Variants in USO1 observed in about 807,000 individuals in gnomAD.
The protein encoded by USO1 is general vesicular transport factor p115.
USO1 carries 57 observed loss-of-function variants against 124.5 expected under a neutral mutation model. The observed-to-expected ratio is 0.46, with a 90% CI of 0.37 to 0.57. The LOEUF (loss-of-function observed/expected upper bound fraction) is 0.57. Ranked by LOEUF, USO1 falls within the 20% of genes least tolerant of loss-of-function variation. The pLI, the probability that USO1 is intolerant of heterozygous loss-of-function variation, is 0.00. For synonymous variants in USO1, 369 were observed against 362.8 expected, an observed-to-expected ratio of 1.02 and a Z score of -0.19; for missense variants, 900 against 1,040.6, an observed-to-expected ratio of 0.86 and a Z score of 1.86.
At chr4:75,759,246 C>CTTGTTTTTTTTTTTTTTTTTTT (rs1721527237) in intron 4 of USO1, among the ~76,000 whole-genome samples, 1 of 69,126 alleles carries the variant, frequency 1.4e-5, no homozygotes, top group African/African-American at 6.4e-5. Context: ...TATTAAGGAC[C>CTTGTTTTTTTTTTTTTTTTTTT]TTTTTTTTTT....
At position 75,724,877 on chromosome 4, in the gene USO1, G is replaced by A; in HGVS notation, c.58G>A (p.Ala20Thr). 1.9e-6 allele frequency: 3 copies of A among 1,613,534 alleles called. No individual in the cohort carries two copies. The South Asian group carries it at 3.3e-5, about 18-fold the overall frequency. ...GAGTGCCGGACCCCAGCACACAGAA[G>A]CCGAGACGGTGAGAGGAGCAGCGGG... ...GQSAGPQHTE[A>T]ETIQKLCDRV... Residue 20 changes from alanine to threonine, a missense_variant, in exon 1 of 24, where the codon GCC becomes ACC. By Grantham distance (58) the Ala-to-Thr change is moderately conservative (BLOSUM62 0). Around this residue, in one of 2 missense-constraint regions of USO1, gnomAD observed 538 missense variants for 681.6 expected, o/e 0.79. Coordinates refer to ENST00000514213, the MANE Select transcript of USO1 (RefSeq NM_003715.4).
At chr4:75,762,253 C>T (rs1470283781) in intron 4 of USO1, among the ~76,000 whole-genome samples, 2 of 147,964 alleles carry the variant, frequency 1.4e-5, no homozygotes, top group Non-Finnish European at 1.5e-5. Flanking sequence ...TCACTGCAAC[C>T]TCTGCCTCCT....
chr4:75,792,774 T>C (rs148806139), intron 12 of USO1, among the ~76,000 whole-genome samples: 2 of 152,256 alleles, frequency 1.3e-5, no homozygotes, highest in Non-Finnish European at 2.9e-5. Flanking sequence ...GTATATCTTA[T>C]TCATTCTTTC....
intron 4 of USO1, among the ~76,000 whole-genome samples, chr4:75,764,038 A>G (rs967819771): frequency 2.0e-5 from 3 of 152,168 alleles, no homozygotes; most frequent in Non-Finnish European, 4.4e-5. Context: ...TATATCTCAC[A>G]CTTTTTCAAA....
chr4:75,756,820 AT>A (rs906922168), intron 3 of USO1, among the ~76,000 whole-genome samples: 1 of 151,192 alleles, frequency 6.6e-6, no homozygotes, highest in Non-Finnish European at 1.5e-5. Flanking sequence ...GCACCATAAG[AT>A]TTTTTTTTAA....
chr4:75,759,974 G>A (rs1721557808), intron 4 of USO1, among the ~76,000 whole-genome samples: 1 of 151,330 alleles, frequency 6.6e-6, no homozygotes, highest in Non-Finnish European at 1.5e-5. Flanking sequence ...CACTTTGGGA[G>A]GCCAAGGTGG....
At chr4:75,752,864 C>T (rs1721330252) in intron 3 of USO1, among the ~76,000 whole-genome samples, 2 of 152,058 alleles carry the variant, frequency 1.3e-5, no homozygotes, top group Non-Finnish European at 2.9e-5. Context: ...TAAGTTTTTA[C>T]TTCAGATGTC....
At chr4:75,795,503 A>G in intron 13 of USO1, 2 of 632,798 alleles carry the variant, frequency 3.2e-6, no homozygotes, top group Middle Eastern at 2.5e-4. Flanking sequence ...ATTTATTTCT[A>G]TTGTAAATGG....
At chr4:75,767,471 A>C in intron 4 of USO1, 1 of 446,286 alleles carries the variant, frequency 2.2e-6, no homozygotes, top group South Asian at 1.6e-5. Context: ...TTGGCCGGGC[A>C]TGGTGGCTCA....
Position 75,729,946 on chromosome 4 carries a change from A to C in USO1, c.66+5061A>C, listed in dbSNP as rs547405726. 2.0e-3 allele frequency: 798 copies of C among 407,792 alleles called. 2 individuals are homozygous for C. The highest frequency in any genetic ancestry group is 2.9e-3 in the Non-Finnish European group (617 of 209,598). 25.3% of individuals were successfully genotyped at this position (407,792 alleles called of 1,614,324 possible). A position where few individuals can be genotyped will look rare whatever the true frequency, so the allele number is the denominator to read the frequency against. The stretch of plus-strand genomic sequence containing the variant: ...ATTTAGACATAGTTTTCGTTTAGTC[A>C]AGCACATTTTATACCATGTTACTAT... On this transcript the variant is annotated intron_variant, in intron 1 of 23. Coordinates refer to ENST00000514213, the MANE Select transcript of USO1 (RefSeq NM_003715.4).
At chr4:75,811,118 A>T (rs533497024) in intron 22 of USO1, among the ~76,000 whole-genome samples, 2 of 152,112 alleles carry the variant, frequency 1.3e-5, no homozygotes, top group South Asian at 4.1e-4. Context: ...ATAAAAGTAA[A>T]ATTTATTGAA....
chr4:75,789,540 G>T (rs924000975), intron 10 of USO1, among the ~76,000 whole-genome samples: 1 of 152,134 alleles, frequency 6.6e-6, no homozygotes, highest in East Asian at 1.9e-4. Flanking sequence ...CTCCCAAAGT[G>T]CTGGGATTAC....
intron 1 of USO1, among the ~76,000 whole-genome samples, chr4:75,731,893 T>G (rs1301880717): frequency 2.0e-5 from 3 of 152,250 alleles, no homozygotes; most frequent in Non-Finnish European, 4.4e-5. Context: ...GCAAGCTGTA[T>G]TACACTAGTG....
At chr4:75,786,629 C>T (rs1360432414) in intron 9 of USO1, among the ~76,000 whole-genome samples, 2 of 152,156 alleles carry the variant, frequency 1.3e-5, no homozygotes, top group Non-Finnish European at 2.9e-5. Context: ...TTTAGCCTCT[C>T]TTTAAATATT....
intron 20 of USO1, 67 bp from the exon 21 acceptor site, chr4:75,808,886 C>A (rs1723065999): frequency 1.4e-6 from 2 of 1,473,624 alleles, no homozygotes; most frequent in Non-Finnish European, 1.8e-6. Flanking sequence ...AAATGTCTCC[C>A]TGTAAATATT....
At chr4:75,763,238 A>C (rs1721673217) in intron 4 of USO1, among the ~76,000 whole-genome samples, 1 of 152,214 alleles carries the variant, frequency 6.6e-6, no homozygotes, top group Admixed American at 6.5e-5. Flanking sequence ...CCTGAAAACT[A>C]TCCAGAGCTA....
At chr4:75,752,071 C>G (rs1175539920) in intron 1 of USO1, among the ~76,000 whole-genome samples, 2 of 152,142 alleles carry the variant, frequency 1.3e-5, no homozygotes, top group African/African-American at 2.4e-5. Flanking sequence ...CTGGTTCAAA[C>G]AGTCATAATA....
In USO1 at chr4:75,786,910, T is replaced by C. The variant is rs113654394; in HGVS notation, c.856-152T>C. Among the ~76,000 whole-genome samples, 11 of 152,302 alleles carry C rather than the reference T, an allele frequency of 7.2e-5. 1 individual carries two copies. Among genetic ancestry groups the C allele is most frequent in the African/African-American group, 2.6e-4 (11 of 41,574 alleles). ...TGTAATATTACTATCACAGAACTTA[T>C]TGCCATGGGAGCACGAAAGAAAGAG... On this transcript the variant is annotated intron_variant, in intron 9 of 23. Transcript: ENST00000514213.
At chr4:75,726,557 G>T (rs1577917830) in intron 1 of USO1, among the ~76,000 whole-genome samples, 1 of 134,312 alleles carries the variant, frequency 7.4e-6, no homozygotes, top group African/African-American at 2.6e-5. Flanking sequence ...AGCATGAAGA[G>T]ACTCCATCTC....
Sources: gnomAD v4.1 joint callset for allele counts (sites outside exome capture counted in the v4.1 genomes callset) on GRCh38, gnomAD v4.1.1 for gene constraint, gnomAD v4.1.1 regional missense constraint, MANE v1.5 for transcripts, NCBI Gene and HGNC (gene_info 2026-07-23, HGNC 2026-07-21) for gene names.